SLC22A24: variants seen among roughly 807,000 people sequenced by gnomAD.
SLC22A24 encodes steroid transmembrane transporter SLC22A24.
In SLC22A24, 53 loss-of-function variants were observed where a neutral mutation model predicts 49.8. The ratio of observed to expected loss-of-function variants is 1.06; its 90% CI spans 0.85 to 1.34. The LOEUF (loss-of-function observed/expected upper bound fraction) is 1.34. SLC22A24 is among the 40% of genes most tolerant of loss of function. SLC22A24 has a pLI of 0.00. For synonymous variants in SLC22A24, 302 were observed against 256.4 expected, an observed-to-expected ratio of 1.18 and a Z score of -1.70; for missense variants, 786 against 675.9, an observed-to-expected ratio of 1.16 and a Z score of -1.81.
At chr11:63,098,320 AGTG>A (rs1434685465) in intron 5 of SLC22A24, among the ~76,000 whole-genome samples, 1 of 152,220 alleles carries the variant, frequency 6.6e-6, no homozygotes, top group East Asian at 1.9e-4. Context: ...ACAGAGAGAA[AGTG>A]GTACTAATTG....
intron 6 of SLC22A24, 127 bp downstream of exon 6, chr11:63,095,864 T>C (rs2087050990): frequency 1.4e-6 from 1 of 695,788 alleles, no homozygotes; most frequent in Non-Finnish European, 2.4e-6. Context: ...GAGGCATACA[T>C]TTGTATGTGA....
At chr11:63,142,627 C>T (rs977247309) in intron 1 of SLC22A24, among the ~76,000 whole-genome samples, 1 of 152,184 alleles carries the variant, frequency 6.6e-6, no homozygotes, top group Non-Finnish European at 1.5e-5. Context: ...CTGACCCTCC[C>T]TAAACTGCTC....
chr11:63,121,795 C>T (rs1406683066), intron 2 of SLC22A24, among the ~76,000 whole-genome samples: 1 of 152,090 alleles, frequency 6.6e-6, no homozygotes, highest in African/African-American at 2.4e-5. Context: ...CGACTCCCCG[C>T]CACCCCACAA....
At chr11:63,093,680 T>A (rs921377597) in intron 6 of SLC22A24, among the ~76,000 whole-genome samples, 2 of 151,902 alleles carry the variant, frequency 1.3e-5, no homozygotes, top group East Asian at 3.9e-4. Context: ...CAATAGACAC[T>A]GGGGCCTACC....
intron 5 of SLC22A24, among the ~76,000 whole-genome samples, chr11:63,096,759 C>T (rs1223412073): frequency 7.2e-5 from 11 of 152,078 alleles, no homozygotes; most frequent in African/African-American, 2.7e-4. Context: ...TGATTTTTGC[C>T]TAAGCCAGAT....
rs149573030 is a variant in SLC22A24 at position 63,083,257 on chromosome 11, G to T, written c.1271C>A (p.Thr424Asn). 1.0e-5 allele frequency: 16 copies of T among 1,555,670 alleles called. No homozygotes were observed. Among genetic ancestry groups the T allele is most frequent in the Middle Eastern group, 3.4e-4 (2 of 5,944 alleles). ...FPVGLFILVN[T>N]FLPQEMQILR... The stretch of plus-strand genomic sequence containing the variant: ...GTCTCTCTCACCTTGGGGCAAAAAG[G>T]TGTTGACCAGAATGAAAAGTCCCAC... Residue 424 changes from threonine to asparagine, a missense_variant, in exon 7 of 10, where the codon ACC becomes AAC. Coordinates refer to ENST00000612278, the MANE Select transcript of SLC22A24 (RefSeq NM_001136506.2).
chr11:63,093,438 A>G (rs2087033118), intron 6 of SLC22A24, among the ~76,000 whole-genome samples: 1 of 152,186 alleles, frequency 6.6e-6, no homozygotes, highest in African/African-American at 2.4e-5. Context: ...TCTTGGAACC[A>G]ACCCAAAGAC....
chr11:63,100,922 G>A (rs1443105107), intron 5 of SLC22A24, among the ~76,000 whole-genome samples: 1 of 152,092 alleles, frequency 6.6e-6, no homozygotes, highest in Non-Finnish European at 1.5e-5. Flanking sequence ...TTACATCTAA[G>A]ATTGCAAACT....
chr11:63,081,441 A>G, intron 8 of SLC22A24, 117 bp downstream of exon 8: 1 of 764,306 alleles, frequency 1.3e-6, no homozygotes, highest in South Asian at 1.6e-5. Flanking sequence ...TACTCTGTTC[A>G]TTTCTATTAC....
intron 1 of SLC22A24, among the ~76,000 whole-genome samples, chr11:63,135,198 T>C (rs1201893383): frequency 6.6e-6 from 1 of 152,194 alleles, no homozygotes; most frequent in Non-Finnish European, 1.5e-5. Flanking sequence ...CCTCATCATG[T>C]AGGTAACATA....
intron 6 of SLC22A24, among the ~76,000 whole-genome samples, chr11:63,086,694 C>T (rs2086988493): frequency 6.6e-6 from 1 of 151,994 alleles, no homozygotes; most frequent in East Asian, 1.9e-4. Context: ...TTATCCAAAA[C>T]CATTGGGTCA....
chr11:63,126,925 G>A (rs997087249), intron 2 of SLC22A24, among the ~76,000 whole-genome samples: 2 of 152,094 alleles, frequency 1.3e-5, no homozygotes, highest in East Asian at 1.9e-4. Flanking sequence ...GTGAATGGGA[G>A]TTCACTCAGG....
At chr11:63,104,371 T>C (rs1199795787) in intron 4 of SLC22A24, 73 bp from the exon 5 acceptor site, 1 of 1,438,628 alleles carries the variant, frequency 7.0e-7, no homozygotes, top group Non-Finnish European at 9.2e-7. Context: ...ATGAAATTCC[T>C]TTCCCCTTTG....
At chr11:63,114,973 G>A (rs370895102) in intron 4 of SLC22A24, among the ~76,000 whole-genome samples, 1 of 152,302 alleles carries the variant, frequency 6.6e-6, no homozygotes, top group East Asian at 1.9e-4. Context: ...TGAGGTGTCT[G>A]TCAGCCCCTA....
intron 6 of SLC22A24, among the ~76,000 whole-genome samples, chr11:63,092,692 C>T (rs184623661): frequency 6.7e-6 from 1 of 149,792 alleles, no homozygotes; most frequent in Non-Finnish European, 1.5e-5. Flanking sequence ...AAAATTAACT[C>T]AAGATGGATT....
chr11:63,116,074 C>T (rs1324135522), intron 4 of SLC22A24: 4 of 359,504 alleles, frequency 1.1e-5, no homozygotes, highest in African/African-American at 6.3e-5. Flanking sequence ...TTGTTGCTGA[C>T]ACTCTTTGGG....
chr11:63,104,993 G>C lies in SLC22A24; in HGVS notation c.831-695C>G, dbSNP rs1032274622. Among the ~76,000 whole-genome samples, 33 of 152,316 alleles carry C rather than the reference G, an allele frequency of 2.2e-4. No homozygotes were observed. The South Asian group carries it at 2.7e-3, about 12-fold the overall frequency. On this transcript the variant is annotated intron_variant, in intron 4 of 9. Transcript: ENST00000612278. ...AGTTAGTTATTTCCTAGATACAATG[G>C]GGGTATAGCAGTGGATTTGACCAAA... is the stretch of plus-strand genomic sequence containing the variant.
intron 9 of SLC22A24, among the ~76,000 whole-genome samples, chr11:63,080,242 A>C (rs1396541028): frequency 6.6e-6 from 1 of 152,224 alleles, no homozygotes; most frequent in Non-Finnish European, 1.5e-5. Context: ...TCTCAGACCA[A>C]TGACATCTTT....
chr11:63,130,871 G>A (rs913167288), intron 2 of SLC22A24, among the ~76,000 whole-genome samples: 2 of 151,880 alleles, frequency 1.3e-5, no homozygotes, highest in African/African-American at 2.4e-5. Context: ...ATTGACAGTG[G>A]GGTGTTAAAG....
Sources: gnomAD v4.1 joint callset for allele counts (sites outside exome capture counted in the v4.1 genomes callset) on GRCh38, gnomAD v4.1.1 for gene constraint, MANE v1.5 for transcripts, NCBI Gene and HGNC (gene_info 2026-07-23, HGNC 2026-07-21) for gene names.